ANXA8: variants seen among roughly 807,000 people sequenced by gnomAD.
The protein encoded by ANXA8 is VAC-beta.
In ANXA8, 9 loss-of-function variants were observed where a neutral mutation model predicts 26.8. The observed-to-expected ratio is 0.34, with a 90% confidence interval of 0.20 to 0.59. The LOEUF (loss-of-function observed/expected upper bound fraction) is 0.59. ANXA8 is among the 20% of genes least tolerant of loss of function. The pLI, the probability that ANXA8 is intolerant of heterozygous loss-of-function variation, is 0.84. For missense variants in ANXA8, 83 were observed against 238.5 expected (o/e 0.35, Z 4.29); for synonymous variants, 39 against 94.8 (o/e 0.41, Z 3.42).
the ANXA8 span, among the ~76,000 whole-genome samples, chr10:47,666,353 A>C: frequency 6.6e-6 from 1 of 150,670 alleles, no homozygotes; most frequent in Admixed American, 6.6e-5. Flanking sequence ...TTATTAGAAA[A>C]AACACAACTG....
the ANXA8 span, chr10:47,689,786 C>G: frequency 1.3e-6 from 2 of 1,566,758 alleles, no homozygotes; most frequent in Non-Finnish European, 1.7e-6. Context: ...GAAGACACAG[C>G]TTCTTTAATG....
chr10:47,489,383 A>G, the ANXA8 span, among the ~76,000 whole-genome samples: 5 of 150,880 alleles, frequency 3.3e-5, no homozygotes, highest in Non-Finnish European at 7.4e-5. Flanking sequence ...CTTATTCCAC[A>G]GAGAGAACCA....
chr10:47,664,901 T>C, the ANXA8 span, among the ~76,000 whole-genome samples: 27 of 142,368 alleles, frequency 1.9e-4, no homozygotes, highest in Admixed American at 1.2e-3. Flanking sequence ...AATTTTTAAA[T>C]TTTTTTGTAG....
the ANXA8 span, among the ~76,000 whole-genome samples, chr10:47,665,499 G>A: frequency 2.0e-5 from 3 of 150,920 alleles, no homozygotes; most frequent in African/African-American, 7.4e-5. Flanking sequence ...GGTTTGAACA[G>A]TGCTATATAT....
chr10:47,932,492 C>T, the ANXA8 span, among the ~76,000 whole-genome samples: 2 of 148,030 alleles, frequency 1.4e-5, no homozygotes, highest in Non-Finnish European at 3.0e-5. Context: ...GATGGTAGGG[C>T]TCTCTAGTCC....
chr10:47,768,343 G>C, the ANXA8 span, among the ~76,000 whole-genome samples: 2 of 151,538 alleles, frequency 1.3e-5, no homozygotes, highest in Non-Finnish European at 2.9e-5. Context: ...GCCATAAGAG[G>C]GCAGAAAGAC....
At chr10:47,702,634 C>T in the ANXA8 span, among the ~76,000 whole-genome samples, 14 of 151,644 alleles carry the variant, frequency 9.2e-5, no homozygotes, top group Non-Finnish European at 1.9e-4. Flanking sequence ...AGCCACCGTG[C>T]CCGGCCTCTC....
the ANXA8 span, among the ~76,000 whole-genome samples, chr10:47,684,510 G>A: frequency 1.3e-5 from 2 of 151,972 alleles, no homozygotes; most frequent in Non-Finnish European, 2.9e-5. Flanking sequence ...ACAGCCTGTG[G>A]GGCTGCATGT....
At chr10:47,487,362 C>G, upstream of ANXA8, 5 of 831,066 alleles carry the variant, frequency 6.0e-6, no homozygotes, top group Non-Finnish European at 9.1e-6. Context: ...TTTCCTTCAT[C>G]TTTTTGTCCC....
the ANXA8 span, among the ~76,000 whole-genome samples, chr10:47,647,863 G>A: frequency 1.5e-3 from 234 of 151,972 alleles, no homozygotes; most frequent in African/African-American, 5.1e-3. Context: ...GGAGAAAAAA[G>A]TAACAACACT....
At chr10:47,679,762 A>T in the ANXA8 span, among the ~76,000 whole-genome samples, 2 of 151,720 alleles carry the variant, frequency 1.3e-5, no homozygotes, top group Non-Finnish European at 2.9e-5. Flanking sequence ...CTCAAAAAAA[A>T]GTTTAAAAAG....
At chr10:47,649,330 C>A in the ANXA8 span, among the ~76,000 whole-genome samples, 339 of 151,610 alleles carry the variant, frequency 2.2e-3, 4 homozygotes, top group Admixed American at 3.4e-3. Context: ...ATTCTGTCAC[C>A]ATTTAACCCT....
the ANXA8 span, among the ~76,000 whole-genome samples, chr10:47,586,244 G>T: frequency 6.9e-6 from 1 of 144,838 alleles, no homozygotes; most frequent in African/African-American, 2.9e-5. Flanking sequence ...CCACCATCCC[G>T]CAGCTGATGT....
chr10:47,947,343 T>G, the ANXA8 span, among the ~76,000 whole-genome samples: 2 of 140,054 alleles, frequency 1.4e-5, no homozygotes, highest in South Asian at 4.7e-4. Flanking sequence ...TTGCAGAACC[T>G]CCCTGGAAGG....
chr10:47,665,719 A>G, the ANXA8 span, among the ~76,000 whole-genome samples: 3 of 150,906 alleles, frequency 2.0e-5, no homozygotes, highest in Non-Finnish European at 4.4e-5. Context: ...AGTTACATTT[A>G]TTCCTTTCCT....
At chr10:47,535,817 TGAG>T in the ANXA8 span, among the ~76,000 whole-genome samples, 1 of 38,644 alleles carries the variant, frequency 2.6e-5, no homozygotes, top group African/African-American at 1.4e-4. Flanking sequence ...GACCTTGACA[TGAG>T]GAGACTACCC....
At chr10:47,555,725 A>C in the ANXA8 span, among the ~76,000 whole-genome samples, 2 of 152,030 alleles carry the variant, frequency 1.3e-5, no homozygotes, top group Middle Eastern at 3.2e-3. Context: ...TTATGATCTT[A>C]GTTGATGGCA....
At chr10:47,683,975 C>T in the ANXA8 span, among the ~76,000 whole-genome samples, 6 of 151,862 alleles carry the variant, frequency 4.0e-5, no homozygotes, top group Non-Finnish European at 8.8e-5. Context: ...ACAAAACCTG[C>T]TGATACAATT....
the ANXA8 span, among the ~76,000 whole-genome samples, chr10:47,932,329 T>C: frequency 6.6e-6 from 1 of 150,444 alleles, no homozygotes; most frequent in African/African-American, 2.4e-5. Context: ...GGCCCATCTG[T>C]GGGGGGCATC....
Sources: allele counts gnomAD v4.1 joint callset (sites outside exome capture counted in the v4.1 genomes callset), GRCh38; gene constraint gnomAD v4.1.1; transcripts MANE v1.5; gene names NCBI Gene and HGNC (gene_info 2026-07-23, HGNC 2026-07-21).